The following CNTNAP2 variants were observed in gnomAD, a reference collection of about 807,000 sequenced individuals.
The protein encoded by CNTNAP2 is contactin associated protein 2.
A neutral mutation model predicts 155.2 loss-of-function variants in CNTNAP2; 98 were observed. The observed-to-expected ratio is 0.63, with a 90% CI of 0.54 to 0.75. The LOEUF is 0.75. CNTNAP2 is among the 30% of genes least tolerant of loss of function. The pLI, the probability that CNTNAP2 is intolerant of heterozygous loss-of-function variation, is 0.00. For missense variants in CNTNAP2, 1,727 were observed against 1,688.1 expected, an observed-to-expected ratio of 1.02 and a Z score of -0.40; for synonymous variants, 651 against 631.2, an observed-to-expected ratio of 1.03 and a Z score of -0.47.
chr7:146,660,063 C>G (rs1024212855), intron 1 of CNTNAP2, among the ~76,000 whole-genome samples: 4 of 152,178 alleles, frequency 2.6e-5, no homozygotes, highest in Admixed American at 2.0e-4. Context: ...CCTGAACATA[C>G]CTCTGGTAAT....
intron 12 of CNTNAP2, among the ~76,000 whole-genome samples, chr7:147,593,410 G>A (rs1227794196): frequency 6.6e-6 from 1 of 151,428 alleles, no homozygotes; most frequent in Non-Finnish European, 1.5e-5. Flanking sequence ...GAAATGAATT[G>A]GATGATAAGT....
chr7:147,048,639 A>G (rs143262435), intron 4 of CNTNAP2, among the ~76,000 whole-genome samples: 1 of 152,318 alleles, frequency 6.6e-6, no homozygotes, highest in East Asian at 1.9e-4. Context: ...GCCACTAACC[A>G]TATGTGGCTA....
chr7:147,504,680 T>G (rs1798876089), intron 11 of CNTNAP2, among the ~76,000 whole-genome samples: 1 of 104,206 alleles, frequency 9.6e-6, no homozygotes, highest in Non-Finnish European at 2.0e-5. Flanking sequence ...CAGAATGAGA[T>G]TCTGTCTTAA....
intron 9 of CNTNAP2, among the ~76,000 whole-genome samples, chr7:147,315,985 G>A (rs1795225357): frequency 6.6e-6 from 1 of 151,746 alleles, no homozygotes; most frequent in Non-Finnish European, 1.5e-5. Flanking sequence ...ACATATATAT[G>A]AGACACTTAT....
intron 14 of CNTNAP2, among the ~76,000 whole-genome samples, chr7:147,908,931 C>G (rs1800013559): frequency 6.6e-6 from 1 of 152,116 alleles, no homozygotes. Flanking sequence ...GTTTTCTTAT[C>G]AGCAAAATAG....
intron 20 of CNTNAP2, among the ~76,000 whole-genome samples, chr7:148,245,614 G>A (rs532828745): frequency 1.3e-5 from 2 of 152,326 alleles, no homozygotes; most frequent in African/African-American, 4.8e-5. Context: ...GCTGGGATTT[G>A]AGCAAGATAG....
At chr7:148,154,672 C>T (rs1238181364) in intron 17 of CNTNAP2, among the ~76,000 whole-genome samples, 3 of 152,176 alleles carry the variant, frequency 2.0e-5, no homozygotes, top group African/African-American at 7.2e-5. Flanking sequence ...CATGGTGGCT[C>T]ACGCCTGTAA....
intron 14 of CNTNAP2, among the ~76,000 whole-genome samples, chr7:147,911,935 G>A (rs910544272): frequency 3.1e-4 from 47 of 151,986 alleles, no homozygotes; most frequent in African/African-American, 1.0e-3. Flanking sequence ...TCTTTTTAAC[G>A]TCTACTTTTA....
intron 2 of CNTNAP2, among the ~76,000 whole-genome samples, chr7:146,799,373 C>T (rs1453924959): frequency 2.6e-5 from 4 of 152,036 alleles, no homozygotes; most frequent in Non-Finnish European, 4.4e-5. Context: ...TTATTGTATC[C>T]CATTTTTATT....
chr7:147,424,822 C>T (rs186447146), intron 10 of CNTNAP2, among the ~76,000 whole-genome samples: 3 of 152,252 alleles, frequency 2.0e-5, no homozygotes, highest in African/African-American at 7.2e-5. Context: ...TTCATCTATT[C>T]ACTCAAACCA....
At chr7:146,953,038 A>G (rs962602077) in intron 3 of CNTNAP2, among the ~76,000 whole-genome samples, 33 of 152,074 alleles carry the variant, frequency 2.2e-4, no homozygotes, top group African/African-American at 7.5e-4. Flanking sequence ...AATTACTTCT[A>G]TTGAAATCTT....
chr7:147,776,265 GTTTT>G (rs374384682), intron 13 of CNTNAP2, among the ~76,000 whole-genome samples: 1 of 135,344 alleles, frequency 7.4e-6, no homozygotes, highest in African/African-American at 2.7e-5. Flanking sequence ...CAATGGCTGG[GTTTT>G]TTTTTTTTTT....
chr7:146,711,578 A>G lies in CNTNAP2; in HGVS notation c.98-62693A>G, dbSNP rs183945729. 1.7e-3 allele frequency among the ~76,000 whole-genome samples: 247 copies of G among 149,466 alleles called. 1 individual carries two copies. The highest frequency in any genetic ancestry group is 5.7e-3 in the African/African-American group (235 of 41,092). On this transcript the variant is annotated intron_variant, in intron 1 of 23. Coordinates refer to ENST00000361727, the MANE Select transcript of CNTNAP2 (RefSeq NM_014141.6). Reference sequence around the variant, plus strand: ...ACCCTAGAAACACCATACTGTATTCAAAACAACTAGTTTCTAATCATGGAA... The same window carrying G: ...ACCCTAGAAACACCATACTGTATTCGAAACAACTAGTTTCTAATCATGGAA...
chr7:147,546,761 C>T (rs1799742436), intron 11 of CNTNAP2, among the ~76,000 whole-genome samples: 1 of 152,214 alleles, frequency 6.6e-6, no homozygotes, highest in Admixed American at 6.5e-5. Context: ...GGGCAGCTCC[C>T]TGAGGAAACC....
At chr7:147,789,365 A>G (rs1422001982) in intron 13 of CNTNAP2, among the ~76,000 whole-genome samples, 1 of 152,196 alleles carries the variant, frequency 6.6e-6, no homozygotes, top group Non-Finnish European at 1.5e-5. Context: ...ACTACATGGC[A>G]GAATATTTTA....
chr7:146,318,692 G>T (rs549948657), intron 1 of CNTNAP2, among the ~76,000 whole-genome samples: 1 of 152,118 alleles, frequency 6.6e-6, no homozygotes, highest in African/African-American at 2.4e-5. Flanking sequence ...TTAAAACAGT[G>T]AATGTCTTCA....
intron 1 of CNTNAP2, among the ~76,000 whole-genome samples, chr7:146,497,246 G>A (rs1379251545): frequency 1.3e-5 from 2 of 152,106 alleles, no homozygotes; most frequent in African/African-American, 4.8e-5. Context: ...CTTAAACACT[G>A]AAAAAGTATG....
chr7:146,518,646 T>G (rs892616776), intron 1 of CNTNAP2, among the ~76,000 whole-genome samples: 27 of 151,772 alleles, frequency 1.8e-4, no homozygotes, highest in Admixed American at 1.6e-3. Flanking sequence ...ATTCAAACAT[T>G]TTGATCATGA....
intron 1 of CNTNAP2, among the ~76,000 whole-genome samples, chr7:146,212,291 T>C (rs993744744): frequency 2.0e-5 from 3 of 152,122 alleles, no homozygotes; most frequent in African/African-American, 4.8e-5. Flanking sequence ...TTTGACTTAC[T>C]AAATAAATGT....
Sources: gnomAD v4.1 joint callset for allele counts (sites outside exome capture counted in the v4.1 genomes callset) on GRCh38, gnomAD v4.1.1 for gene constraint, MANE v1.5 for transcripts, NCBI Gene and HGNC (gene_info 2026-07-23, HGNC 2026-07-21) for gene names.